The following FXYD6 variants were observed in gnomAD, a reference collection of about 807,000 sequenced individuals.
The protein encoded by FXYD6 is FXYD domain-containing ion transport regulator 6.
A neutral mutation model predicts 16.7 loss-of-function variants in FXYD6; 7 were observed. The ratio of observed to expected loss-of-function variants is 0.42; its 90% CI spans 0.24 to 0.79. The LOEUF is 0.79. FXYD6 is among the 30% of genes least tolerant of loss of function. FXYD6 has a pLI of 0.28. For missense variants in FXYD6, 111 were observed against 116.2 expected (o/e 0.95, Z 0.21); for synonymous variants, 49 against 43.0 (o/e 1.14, Z -0.54).
At chr11:117,860,247 T>C (rs1049602813) in intron 1 of FXYD6, among the ~76,000 whole-genome samples, 2 of 151,856 alleles carry the variant, frequency 1.3e-5, no homozygotes, top group Admixed American at 6.5e-5. Flanking sequence ...TCACATCCAT[T>C]TGGGGGCAAA....
chr11:117,874,062 C>T (rs2057199501), intron 1 of FXYD6, among the ~76,000 whole-genome samples: 1 of 152,120 alleles, frequency 6.6e-6, no homozygotes, highest in Non-Finnish European at 1.5e-5. Flanking sequence ...TAGAAGGCCT[C>T]AGCGACTACT....
intron 1 of FXYD6, among the ~76,000 whole-genome samples, chr11:117,869,550 C>T (rs934220240): frequency 5.3e-5 from 8 of 152,132 alleles, no homozygotes; most frequent in African/African-American, 9.7e-5. Flanking sequence ...CAGGGTGGAG[C>T]GGGAGAGGCA....
intron 7 of FXYD6, chr11:117,839,368 G>A: frequency 4.9e-6 from 1 of 203,636 alleles, no homozygotes; most frequent in East Asian, 1.1e-4. Flanking sequence ...TTTTGGTTAG[G>A]GTTGGGAAGT....
Position 117,872,250 on chromosome 11 carries a change from G to T in FXYD6, c.-6+4342C>A, listed in dbSNP as rs929536064. ...CACTGCCTCCCTGTCGGGTGTGGGA[G>T]ATTATATATGTGTGAGGAAGGGAAC... is the stretch of plus-strand genomic sequence containing the variant. On this transcript the variant is annotated intron_variant, in intron 1 of 7. Transcript: ENST00000526014. The surrounding 1 kb of genome is among the most constrained non-coding windows in gnomAD (Gnocchi z 4.9). Among the ~76,000 whole-genome samples, 2 of 152,178 alleles carry T rather than the reference G, an allele frequency of 1.3e-5. No homozygotes were observed. The highest frequency in any genetic ancestry group is 4.8e-5 in the African/African-American group (2 of 41,430).
chr11:117,840,928 T>C (rs1201029765), intron 5 of FXYD6, among the ~76,000 whole-genome samples: 1 of 151,996 alleles, frequency 6.6e-6, no homozygotes, highest in Non-Finnish European at 1.5e-5. Flanking sequence ...CCCACATAGA[T>C]CAGAAGAGAC....
At chr11:117,839,856 T>G in intron 6 of FXYD6, 26 bp from the exon 7 acceptor site, 2 of 1,614,142 alleles carry the variant, frequency 1.2e-6, no homozygotes, top group African/African-American at 1.3e-5. Context: ...GAATGGATTA[T>G]AGTGTATAGA....
chr11:117,860,600 C>T (rs2056883585), intron 1 of FXYD6, among the ~76,000 whole-genome samples: 1 of 152,178 alleles, frequency 6.6e-6, no homozygotes, highest in African/African-American at 2.4e-5. Context: ...GCTACGGAAC[C>T]CTGAAGCTGA....
At chr11:117,840,026 C>T (rs899275999) in intron 6 of FXYD6, 196 bp from the exon 7 acceptor site, 1 of 693,980 alleles carries the variant, frequency 1.4e-6, no homozygotes, top group African/African-American at 1.8e-5. Flanking sequence ...CTCTCTCAGT[C>T]CCTCGGTTAC....
At position 117,858,637 on chromosome 11, in the gene FXYD6, TTCTTTCTTTC is replaced by T. The variant is rs1376629170; in HGVS notation, c.-5-15866_-5-15857del. On this transcript the variant is annotated intron_variant, in intron 1 of 7. Transcript: ENST00000526014. The stretch of plus-strand genomic sequence containing the variant: ...GATTCTGCTTCATTTTCTTTTTTCT[TTCTTTCTTTC>T]TTTCTTTCTTTCTTTCTTTCTTTCT... Among the ~76,000 whole-genome samples the T allele has an allele frequency of 3.9e-4, 8 of 20,592 alleles. No homozygotes were observed. The East Asian group carries it at 0.013, about 32-fold the overall frequency. 13.5% of individuals were successfully genotyped at this position (20,592 alleles called of 152,430 possible).
At chr11:117,865,485 T>C (rs2056994173) in intron 1 of FXYD6, among the ~76,000 whole-genome samples, 1 of 152,232 alleles carries the variant, frequency 6.6e-6, no homozygotes, top group African/African-American at 2.4e-5. Context: ...AGTGGATTAA[T>C]GGATAAGCAA....
intron 5 of FXYD6, 83 bp from the exon 6 acceptor site, chr11:117,840,451 C>T: frequency 6.4e-7 from 1 of 1,569,822 alleles, no homozygotes; most frequent in East Asian, 2.2e-5. Context: ...CACTGGGGCA[C>T]AGCTGCCTGC....
intron 4 of FXYD6, chr11:117,841,495 T>C: frequency 3.4e-6 from 2 of 588,552 alleles, no homozygotes; most frequent in Non-Finnish European, 6.0e-6. Flanking sequence ...GGGCAGCACC[T>C]GTCTCCTTCC....
chr11:117,841,032 G>C, intron 5 of FXYD6, 116 bp downstream of exon 5: 1 of 1,364,168 alleles, frequency 7.3e-7, no homozygotes, highest in Non-Finnish European at 1.0e-6. Flanking sequence ...CAACACACAC[G>C]TTCTGCCTCC....
chr11:117,863,962 G>A (rs898750719), intron 1 of FXYD6, among the ~76,000 whole-genome samples: 15 of 151,940 alleles, frequency 9.9e-5, no homozygotes, highest in African/African-American at 1.7e-4. Flanking sequence ...GTAAATAAAC[G>A]GAAAAAATAG....
chr11:117,858,632 TTTCTTTCTTTCTTTCTTTCTTTC>T (rs1181603449), intron 1 of FXYD6, among the ~76,000 whole-genome samples: 4 of 20,056 alleles, frequency 2.0e-4, no homozygotes, highest in Non-Finnish European at 9.8e-5. Context: ...CATTTTCTTT[TTTCTTTCTTTCTTTCTTTCTTTC>T]TTTCTTTCTT....
Position 117,848,887 on chromosome 11 carries a change from A to G in FXYD6, c.-5-6106T>C, listed in dbSNP as rs117942748. Among the ~76,000 whole-genome samples the G allele has an allele frequency of 7.1e-3, 1,074 of 152,216 alleles. 8 individuals carry two copies. Among genetic ancestry groups the G allele is most frequent in the Non-Finnish European group, 0.013 (888 of 68,006 alleles). On this transcript the variant is annotated intron_variant, in intron 1 of 7. Transcript: ENST00000526014. ...TCTTGGTCAGTTTCACCAGAGGTTT[A>G]ACGATGCTTATAGTTTTTTTGAAGA...
chr11:117,857,365 G>A (rs183214789), intron 1 of FXYD6, among the ~76,000 whole-genome samples: 13 of 152,174 alleles, frequency 8.5e-5, no homozygotes, highest in African/African-American at 3.1e-4. Flanking sequence ...AATGAAAACA[G>A]GGAAGTCACA....
intron 1 of FXYD6, among the ~76,000 whole-genome samples, chr11:117,855,339 C>T (rs1459886804): frequency 2.0e-5 from 3 of 147,696 alleles, no homozygotes; most frequent in East Asian, 2.2e-4. Context: ...CTCGGGGTGG[C>T]GGGAGCGGGG....
intron 1 of FXYD6, among the ~76,000 whole-genome samples, chr11:117,848,820 G>C (rs749425185): frequency 6.6e-6 from 1 of 151,954 alleles, no homozygotes; most frequent in Non-Finnish European, 1.5e-5. Flanking sequence ...AGTTATGCCT[G>C]TTTTTTTCAT....
Sources: allele counts gnomAD v4.1 joint callset (sites outside exome capture counted in the v4.1 genomes callset), GRCh38; gene constraint gnomAD v4.1.1; non-coding constraint Gnocchi (gnomAD v3.1); transcripts MANE v1.5; gene names NCBI Gene and HGNC (gene_info 2026-07-23, HGNC 2026-07-21).